The following GALNT13 variants were observed in gnomAD, a reference collection of about 807,000 sequenced individuals.
GALNT13 encodes the protein polypeptide N-acetylgalactosaminyltransferase 13, also known as UDP-GalNAc:polypeptide N-acetylgalactosaminyltransferase 13.
A neutral mutation model predicts 64.2 loss-of-function variants in GALNT13; 28 were observed. The ratio of observed to expected loss-of-function variants is 0.44; its 90% CI spans 0.32 to 0.60. The LOEUF (loss-of-function observed/expected upper bound fraction) is 0.60. Ranked by LOEUF, GALNT13 falls within the 20% of genes least tolerant of loss-of-function variation. The probability of loss-of-function intolerance (pLI) is 0.05; values close to 1 mark genes in which losing one functional copy is unlikely to be tolerated. For synonymous variants in GALNT13, 214 were observed against 224.6 expected (o/e 0.95, Z 0.42); for missense variants, 577 against 669.8 (o/e 0.86, Z 1.53).
At chr2:154,031,139 G>A (rs2105306209) in intron 3 of GALNT13, among the ~76,000 whole-genome samples, 1 of 152,228 alleles carries the variant, frequency 6.6e-6, no homozygotes, top group South Asian at 2.1e-4. Flanking sequence ...CAGATGTTGT[G>A]TAGGAGAAGT....
intron 2 of GALNT13, among the ~76,000 whole-genome samples, chr2:153,909,991 T>A (rs145010440): frequency 1.3e-3 from 205 of 152,162 alleles, no homozygotes; most frequent in Admixed American, 2.4e-3. Flanking sequence ...TTGGAATAAT[T>A]GCACTAGGAA....
chr2:153,689,547 A>G, the GALNT13 span, among the ~76,000 whole-genome samples: 1 of 152,064 alleles, frequency 6.6e-6, no homozygotes, highest in East Asian at 1.9e-4. Context: ...TCTTCTAGCA[A>G]TATTTCACAT....
chr2:154,309,311 G>C lies in GALNT13; in HGVS notation c.1156+7722G>C, dbSNP rs369981369. Among the ~76,000 whole-genome samples, 132 of 21,370 alleles carry C rather than the reference G, an allele frequency of 6.2e-3. 1 individual carries two copies. The highest frequency in any genetic ancestry group is 1.7e-3 in the Non-Finnish European group (20 of 11,918). 14.0% of individuals were successfully genotyped at this position (21,370 alleles called of 152,430 possible). A position where few individuals can be genotyped will look rare whatever the true frequency, so the allele number is the denominator to read the frequency against. On this transcript the variant is annotated intron_variant, in intron 9 of 12. Transcript: ENST00000392825. ...CTTCTAATTGCTCTCAAATCCATTC[G>C]TCTTCATTTCCAGATTCACCTTCAT...
chr2:153,332,968 T>C, the GALNT13 span, among the ~76,000 whole-genome samples: 1 of 152,196 alleles, frequency 6.6e-6, no homozygotes, highest in Non-Finnish European at 1.5e-5. Flanking sequence ...ATAGCAGTTG[T>C]CTTCCCACCC....
rs549567483 is a variant in GALNT13 at position 154,152,277 on chromosome 2, G to A, written c.311+11772G>A. ...ATTGGCCCCCACTCTCTTCTGGCTT[G>A]TAGAGTTTCTGCCGAGAGATCCGCT... On this transcript the variant is annotated intron_variant, in intron 4 of 12. Transcript: ENST00000392825. 7.7e-3 allele frequency among the ~76,000 whole-genome samples: 1,168 copies of A among 152,238 alleles called. 15 individuals carry two copies. Among genetic ancestry groups the A allele is most frequent in the African/African-American group, 0.027 (1,105 of 41,516 alleles).
At chr2:153,196,177 G>T in the GALNT13 span, among the ~76,000 whole-genome samples, 2 of 151,976 alleles carry the variant, frequency 1.3e-5, no homozygotes, top group Non-Finnish European at 2.9e-5. Context: ...CAAACCTGAA[G>T]GTGGGGCCTT....
chr2:153,849,985 C>A, the GALNT13 span, among the ~76,000 whole-genome samples: 2 of 117,946 alleles, frequency 1.7e-5, no homozygotes, highest in African/African-American at 6.5e-5. Context: ...CGCGGTGAAA[C>A]CCCGTCTCTA....
intron 11 of GALNT13, among the ~76,000 whole-genome samples, chr2:154,418,576 G>C (rs1700125181): frequency 6.6e-6 from 1 of 152,134 alleles, no homozygotes; most frequent in African/African-American, 2.4e-5. Context: ...TTTTCCCCCA[G>C]ACCCTCTGGA....
chr2:153,194,902 G>A, the GALNT13 span, among the ~76,000 whole-genome samples: 9 of 152,318 alleles, frequency 5.9e-5, no homozygotes, highest in South Asian at 8.3e-4. Flanking sequence ...GTTAGTGGAG[G>A]CTATGGTGAG....
At chr2:153,095,616 A>G in the GALNT13 span, among the ~76,000 whole-genome samples, 7 of 152,330 alleles carry the variant, frequency 4.6e-5, no homozygotes, top group South Asian at 1.2e-3. Flanking sequence ...TATTCACAAT[A>G]GCAAAGACTT....
At chr2:154,247,736 A>G (rs1470175646) in intron 7 of GALNT13, among the ~76,000 whole-genome samples, 1 of 152,124 alleles carries the variant, frequency 6.6e-6, no homozygotes, top group African/African-American at 2.4e-5. Context: ...GTAATATGAG[A>G]TCTGATAAAA....
At chr2:154,041,001 T>C (rs924899232) in intron 3 of GALNT13, among the ~76,000 whole-genome samples, 5 of 139,862 alleles carry the variant, frequency 3.6e-5, no homozygotes. Flanking sequence ...AGCAAACACA[T>C]ATACAAAGTT....
the GALNT13 span, among the ~76,000 whole-genome samples, chr2:153,418,048 C>T: frequency 2.0e-5 from 3 of 152,158 alleles, no homozygotes; most frequent in African/African-American, 7.2e-5. Flanking sequence ...ATGCTCACAT[C>T]CCAGCCTTTC....
At chr2:153,517,603 A>G in the GALNT13 span, among the ~76,000 whole-genome samples, 392 of 152,274 alleles carry the variant, frequency 2.6e-3, 2 homozygotes, top group Non-Finnish European at 4.7e-3. Context: ...GAATCAAGCA[A>G]ATTTCCATGA....
the GALNT13 span, among the ~76,000 whole-genome samples, chr2:153,273,392 C>T: frequency 6.6e-6 from 1 of 152,170 alleles, no homozygotes; most frequent in South Asian, 2.1e-4. Context: ...TTGAGTGCTG[C>T]TTCTTCCTAC....
At chr2:154,284,612 C>T (rs1559067425) in intron 8 of GALNT13, among the ~76,000 whole-genome samples, 1 of 151,682 alleles carries the variant, frequency 6.6e-6, no homozygotes, top group Non-Finnish European at 1.5e-5. Context: ...GCTTTGGTTG[C>T]ATCTGTATCT....
the GALNT13 span, among the ~76,000 whole-genome samples, chr2:153,231,480 A>G: frequency 6.6e-6 from 1 of 152,234 alleles, no homozygotes; most frequent in South Asian, 2.1e-4. Flanking sequence ...TAAGAGCATA[A>G]TAAAACAGCT....
intron 3 of GALNT13, among the ~76,000 whole-genome samples, chr2:153,995,966 A>T (rs958596650): frequency 3.9e-5 from 6 of 152,172 alleles, no homozygotes; most frequent in Admixed American, 3.9e-4. Flanking sequence ...TTGACATTTT[A>T]TCCTCTAGAT....
chr2:154,290,745 G>C (rs1692566421), intron 8 of GALNT13, among the ~76,000 whole-genome samples: 1 of 152,186 alleles, frequency 6.6e-6, no homozygotes, highest in Non-Finnish European at 1.5e-5. Flanking sequence ...GAGTGTTACA[G>C]TTCTTAAAGA....
Sources: allele counts gnomAD v4.1 joint callset (sites outside exome capture counted in the v4.1 genomes callset), GRCh38; gene constraint gnomAD v4.1.1; transcripts MANE v1.5; gene names NCBI Gene and HGNC (gene_info 2026-07-23, HGNC 2026-07-21).